The following FUT9 variants were observed in gnomAD, a reference collection of about 807,000 sequenced individuals.
FUT9 encodes the protein 4-galactosyl-N-acetylglucosaminide 3-alpha-L-fucosyltransferase 9.
Under a neutral mutation model 29.7 loss-of-function variants are expected in FUT9, and 15 were observed. The observed-to-expected ratio is 0.51, with a 90% CI of 0.34 to 0.78. FUT9 has a LOEUF of 0.78. FUT9 is among the 30% of genes least tolerant of loss of function. The pLI is 0.01. For missense variants in FUT9, 319 were observed against 425.4 expected, an observed-to-expected ratio of 0.75 and a Z score of 2.20; for synonymous variants, 169 against 153.7, an observed-to-expected ratio of 1.10 and a Z score of -0.74.
chr6:96,107,495 G>A (rs1312513077), intron 1 of FUT9, among the ~76,000 whole-genome samples: 1 of 152,164 alleles, frequency 6.6e-6, no homozygotes, highest in Non-Finnish European at 1.5e-5. Flanking sequence ...AAGCTCAGGA[G>A]AAGAAGCTCA....
At chr6:96,166,029 C>T (rs1460300266) in intron 2 of FUT9, among the ~76,000 whole-genome samples, 5 of 151,990 alleles carry the variant, frequency 3.3e-5, no homozygotes, top group African/African-American at 1.2e-4. Context: ...CCCCCAAGGA[C>T]ATATGGTGAT....
chr6:96,037,685 AAT>A lies in FUT9; in HGVS notation c.-98+21474_-98+21475del, dbSNP rs1349480657. On this transcript the variant is annotated intron_variant, in intron 1 of 2. Transcript: ENST00000302103. ...TCATTAGTCATTAGTGTGAAAAAAA[AAT>A]TTTTTTGAATGTTAAAAAAGAAAAA... 5.9e-5 allele frequency among the ~76,000 whole-genome samples: 8 copies of A among 136,200 alleles called. No homozygotes were observed. The South Asian group carries it at 1.2e-3, about 20-fold the overall frequency. The allele number at this position is 136,200 out of a possible 152,430, so 89.4% of individuals were successfully genotyped here.
intron 1 of FUT9, among the ~76,000 whole-genome samples, chr6:96,031,474 G>T (rs1298837292): frequency 6.6e-6 from 1 of 151,002 alleles, no homozygotes; most frequent in Non-Finnish European, 1.5e-5. Flanking sequence ...AACATATACT[G>T]GGATAACTTA....
In FUT9 at chr6:96,212,152, C is replaced by T. The variant is rs1166500078; in HGVS notation, c.*7917C>T. On this transcript the variant is annotated 3_prime_UTR_variant, in exon 3 of 3. Coordinates refer to ENST00000302103, the MANE Select transcript of FUT9 (RefSeq NM_006581.4). ...AAATTAACAACCCAGGACTACCACT[C>T]ATTATGTGAGAAATATGGGCCAGAG... is the stretch of plus-strand genomic sequence containing the variant. The T allele has an allele frequency of 9.7e-6, 4 of 412,444 alleles. No individual in the cohort carries two copies. The Admixed American group carries it at 1.3e-4, about 14-fold the overall frequency. The allele number at this position is 412,444 out of a possible 1,614,324, so 25.5% of individuals were successfully genotyped here.
rs367604602 is a variant in FUT9 at position 96,203,917 on chromosome 6, G to A, written c.762G>A (p.Thr254=). The A allele has an allele frequency of 9.3e-5, 150 of 1,610,600 alleles. 1 individual carries two copies. In the South Asian group the frequency reaches 1.4e-3, roughly 15 times the overall value. Reference sequence around the variant, plus strand: ...ATTCAATCCACAAGGATTACATCACGGAAAAGCTATACAATGCTTTTCTGG... The same window carrying A: ...ATTCAATCCACAAGGATTACATCACAGAAAAGCTATACAATGCTTTTCTGG... ...FENSIHKDYI[T]EKLYNAFLAG... Residue 254 remains threonine (T), a synonymous_variant, in exon 3 of 3, where the codon ACG becomes ACA. Transcript: ENST00000302103.
At chr6:96,083,893 C>A (rs921884401) in intron 1 of FUT9, among the ~76,000 whole-genome samples, 1 of 151,874 alleles carries the variant, frequency 6.6e-6, no homozygotes, top group Non-Finnish European at 1.5e-5. Context: ...ATGACTATTT[C>A]TTGAGTGTCT....
At chr6:96,172,703 G>A (rs1466614828) in intron 2 of FUT9, among the ~76,000 whole-genome samples, 2 of 152,032 alleles carry the variant, frequency 1.3e-5, no homozygotes, top group Non-Finnish European at 2.9e-5. Context: ...ACGAGTAGCA[G>A]CAAACAAACA....
intron 1 of FUT9, among the ~76,000 whole-genome samples, chr6:96,109,391 A>G (rs1399829712): frequency 2.6e-5 from 4 of 152,166 alleles, no homozygotes; most frequent in Non-Finnish European, 4.4e-5. Context: ...AACTGAAAAC[A>G]ATTATATAAA....
At chr6:96,088,860 T>C (rs1343869893) in intron 1 of FUT9, among the ~76,000 whole-genome samples, 1 of 152,212 alleles carries the variant, frequency 6.6e-6, no homozygotes, top group African/African-American at 2.4e-5. Context: ...TTGTGAATTT[T>C]ACCTTGATGG....
At chr6:96,140,537 G>A (rs1441670814) in intron 2 of FUT9, among the ~76,000 whole-genome samples, 1 of 152,164 alleles carries the variant, frequency 6.6e-6, no homozygotes, top group Non-Finnish European at 1.5e-5. Flanking sequence ...AAATACCTGA[G>A]ACGGGGCAAT....
At position 96,209,491 on chromosome 6, in the gene FUT9, T is replaced by G. The variant is rs1422987375; in HGVS notation, c.*5256T>G. On this transcript the variant is annotated 3_prime_UTR_variant, in exon 3 of 3. Coordinates refer to ENST00000302103, the MANE Select transcript of FUT9 (RefSeq NM_006581.4). ...AGAAAAATCAATCATATTTTAGGCA[T>G]TATTTTGAAATATTTTAGAGTTTTC... The G allele has an allele frequency of 6.0e-6, 1 of 166,888 alleles. No homozygotes were observed. The highest frequency in any genetic ancestry group is 1.5e-5 in the Non-Finnish European group (1 of 68,026). The allele number at this position is 166,888 out of a possible 1,614,324, so 10.3% of individuals were successfully genotyped here.
chr6:96,201,353 A>C (rs142312279), intron 2 of FUT9, among the ~76,000 whole-genome samples: 1 of 152,014 alleles, frequency 6.6e-6, no homozygotes, highest in African/African-American at 2.4e-5. Context: ...ATTATTTGCT[A>C]TTTTTGGTAT....
chr6:96,114,548 G>C (rs1054924781), intron 2 of FUT9, among the ~76,000 whole-genome samples: 1 of 151,206 alleles, frequency 6.6e-6, no homozygotes, highest in Non-Finnish European at 1.5e-5. Flanking sequence ...TTTTGAAAAT[G>C]GGTTTTAATT....
intron 1 of FUT9, among the ~76,000 whole-genome samples, chr6:96,022,931 GA>G (rs1248079877): frequency 4.6e-5 from 7 of 151,858 alleles, no homozygotes; most frequent in Admixed American, 2.6e-4. Flanking sequence ...CCTGTGAATG[GA>G]AGCTGCTTAC....
Position 96,211,969 on chromosome 6 carries a change from G to T in FUT9, c.*7734G>T, listed in dbSNP as rs1172191862. The stretch of plus-strand genomic sequence containing the variant: ...TATAGCTTGCTGGAATTTTATTGTG[G>T]AAAACAAATATAGATTTTATCTGAA... On this transcript the variant is annotated 3_prime_UTR_variant, in exon 3 of 3. Transcript: ENST00000302103. 1.2e-5 allele frequency: 5 copies of T among 409,506 alleles called. No individual in the cohort carries two copies. Among genetic ancestry groups the T allele is most frequent in the Non-Finnish European group, 2.2e-5 (5 of 224,026 alleles). The allele number at this position is 409,506 out of a possible 1,614,324, so 25.4% of individuals were successfully genotyped here. A position where few individuals can be genotyped will look rare whatever the true frequency, so the allele number is the denominator to read the frequency against.
intron 2 of FUT9, among the ~76,000 whole-genome samples, chr6:96,157,512 G>A (rs1772808070): frequency 1.3e-5 from 2 of 152,080 alleles, no homozygotes; most frequent in South Asian, 4.1e-4. Flanking sequence ...GTTTATTTTA[G>A]TTATAAAGAA....
chr6:96,108,689 T>C (rs1771740525), intron 1 of FUT9, among the ~76,000 whole-genome samples: 1 of 152,192 alleles, frequency 6.6e-6, no homozygotes, highest in African/African-American at 2.4e-5. Flanking sequence ...ACATTATCCT[T>C]GTTATGCTTA....
intron 1 of FUT9, among the ~76,000 whole-genome samples, chr6:96,062,588 TA>T (rs2127944540): frequency 6.6e-6 from 1 of 152,182 alleles, no homozygotes; most frequent in Non-Finnish European, 1.5e-5. Context: ...ATATGATAGA[TA>T]GATAAATAGA....
At chr6:96,033,271 A>AGT (rs1770295172) in intron 1 of FUT9, among the ~76,000 whole-genome samples, 1 of 151,632 alleles carries the variant, frequency 6.6e-6, no homozygotes, top group Admixed American at 6.6e-5. Context: ...TTCACTGAAT[A>AGT]AAGAGTAATT....
Sources: allele counts gnomAD v4.1 joint callset (sites outside exome capture counted in the v4.1 genomes callset), GRCh38; gene constraint gnomAD v4.1.1; transcripts MANE v1.5; gene names NCBI Gene and HGNC (gene_info 2026-07-23, HGNC 2026-07-21).